ADAMTS18: variants seen among roughly 807,000 people sequenced by gnomAD.
ADAMTS18 encodes the protein A disintegrin and metalloproteinase with thrombospondin motifs 18.
In ADAMTS18, 157 loss-of-function variants were observed where a neutral mutation model predicts 165.9. The ratio of observed to expected loss-of-function variants is 0.95; its 90% CI spans 0.83 to 1.08. ADAMTS18 has a LOEUF of 1.08. ADAMTS18 is among the 50% of genes least tolerant of loss of function. The pLI, the probability that ADAMTS18 is intolerant of heterozygous loss-of-function variation, is 0.00. For synonymous variants in ADAMTS18, 782 were observed against 578.2 expected, an observed-to-expected ratio of 1.35 and a Z score of -5.06; for missense variants, 2,040 against 1,534.0, an observed-to-expected ratio of 1.33 and a Z score of -5.51.
intron 3 of ADAMTS18, among the ~76,000 whole-genome samples, chr16:77,399,979 G>C (rs1164190221): frequency 6.6e-6 from 1 of 152,048 alleles, no homozygotes; most frequent in Admixed American, 6.6e-5. Context: ...GCCAGGTATG[G>C]GCTCTTTAAA....
chr16:77,296,804 A>T (rs2055481853), intron 18 of ADAMTS18, among the ~76,000 whole-genome samples: 1 of 152,218 alleles, frequency 6.6e-6, no homozygotes, highest in East Asian at 1.9e-4. Context: ...TGGGCAACAG[A>T]GTGAGACTCC....
chr16:77,291,498 G>A lies in ADAMTS18; in HGVS notation c.3190-20C>T, dbSNP rs374456424. 8 of 1,611,428 alleles carry A rather than the reference G, an allele frequency of 5.0e-6. No individual in the cohort carries two copies. Among genetic ancestry groups the A allele is most frequent in the African/African-American group, 2.7e-5 (2 of 74,908 alleles). On this transcript the variant is annotated intron_variant, in intron 20 of 22. Transcript: ENST00000282849. Reference sequence around the variant, plus strand: ...AGAACACTAGGAGCCAAGACAGGATGTGTAAAAGTGAAGACTGCCAGGATC... The same window carrying A: ...AGAACACTAGGAGCCAAGACAGGATATGTAAAAGTGAAGACTGCCAGGATC...
At chr16:77,361,228 T>G (rs779967464) in intron 7 of ADAMTS18, among the ~76,000 whole-genome samples, 1 of 152,210 alleles carries the variant, frequency 6.6e-6, no homozygotes, top group Admixed American at 6.5e-5. Flanking sequence ...GCTTAACATA[T>G]TGACTGTCTG....
intron 3 of ADAMTS18, among the ~76,000 whole-genome samples, chr16:77,380,670 A>G (rs1350086119): frequency 6.6e-6 from 1 of 152,214 alleles, no homozygotes; most frequent in African/African-American, 2.4e-5. Context: ...ATGCTTCAGC[A>G]TTTATAAATT....
intron 3 of ADAMTS18, among the ~76,000 whole-genome samples, chr16:77,396,716 T>C (rs1035332207): frequency 1.3e-5 from 2 of 152,130 alleles, no homozygotes; most frequent in African/African-American, 4.8e-5. Flanking sequence ...ACCAGGTGAA[T>C]TCCAAAAACA....
intron 3 of ADAMTS18, among the ~76,000 whole-genome samples, chr16:77,429,702 G>C (rs2057715688): frequency 6.6e-6 from 1 of 152,106 alleles, no homozygotes; most frequent in African/African-American, 2.4e-5. Context: ...ATTAATTTGA[G>C]ACAATTGATA....
intron 16 of ADAMTS18, among the ~76,000 whole-genome samples, chr16:77,308,477 A>G (rs535332531): frequency 2.5e-5 from 3 of 121,326 alleles, no homozygotes; most frequent in Admixed American, 2.3e-4. Context: ...ATGGGGGAAA[A>G]GGAAGAGGAG....
At chr16:77,299,191 C>T (rs988772039) in intron 17 of ADAMTS18, among the ~76,000 whole-genome samples, 5 of 152,178 alleles carry the variant, frequency 3.3e-5, no homozygotes, top group East Asian at 1.9e-4. Flanking sequence ...ATGATACTCA[C>T]GGTATGTGAG....
intron 20 of ADAMTS18, among the ~76,000 whole-genome samples, chr16:77,292,454 A>T (rs937087146): frequency 2.6e-5 from 4 of 152,116 alleles, no homozygotes; most frequent in African/African-American, 9.7e-5. Context: ...GTCTGGGACA[A>T]CCTTGCCCCA....
chr16:77,418,692 G>A (rs944247083), intron 3 of ADAMTS18, among the ~76,000 whole-genome samples: 11 of 152,008 alleles, frequency 7.2e-5, no homozygotes, highest in Non-Finnish European at 8.8e-5. Context: ...CTTCTCTTTG[G>A]GCTTACTGTC....
chr16:77,288,452 C>A (rs1449553649), intron 22 of ADAMTS18, among the ~76,000 whole-genome samples: 1 of 151,738 alleles, frequency 6.6e-6, no homozygotes, highest in Admixed American at 6.6e-5. Flanking sequence ...GCAGATTAGG[C>A]TGAAAGATAT....
intron 16 of ADAMTS18, among the ~76,000 whole-genome samples, chr16:77,304,153 T>C (rs571024726): frequency 6.6e-6 from 1 of 152,280 alleles, no homozygotes; most frequent in Admixed American, 6.5e-5. Context: ...ATAACAAATC[T>C]CGGTGATGAT....
intron 3 of ADAMTS18, among the ~76,000 whole-genome samples, chr16:77,382,629 CAT>C (rs1181183602): frequency 3.9e-5 from 6 of 152,222 alleles, no homozygotes; most frequent in Non-Finnish European, 4.4e-5. Context: ...CCTTGTGCCT[CAT>C]AATCCTCTTT....
chr16:77,286,527 T>C (rs569865909), intron 22 of ADAMTS18, among the ~76,000 whole-genome samples: 1 of 152,332 alleles, frequency 6.6e-6, no homozygotes, highest in Admixed American at 6.5e-5. Context: ...GTAAGCATTA[T>C]TTCCCAGTTT....
intron 3 of ADAMTS18, among the ~76,000 whole-genome samples, chr16:77,417,971 A>G (rs1336687829): frequency 3.3e-5 from 5 of 152,214 alleles, no homozygotes; most frequent in Non-Finnish European, 7.3e-5. Context: ...AAAAGCCCAG[A>G]AACAGAATCC....
Position 77,322,394 on chromosome 16 carries a change from T to G in ADAMTS18, c.2105A>C (p.Lys702Thr). ...GTTTGGGGAGCAGGGAGTTCCATCT[T>G]TCACTTTGCCGGACATTGCAAAAAA... ...EFFFAMSGKV[K>T]DGTPCSPNKN... Residue 702 changes from lysine to threonine, a missense_variant, in exon 14 of 23, where the codon AAA (lysine) becomes ACA (threonine). Transcript: ENST00000282849. 6.2e-7 allele frequency: 1 copy of G among 1,614,022 alleles called. No homozygotes were observed. Among genetic ancestry groups the G allele is most frequent in the South Asian group, 1.1e-5 (1 of 91,082 alleles).
chr16:77,399,015 C>T (rs1294251190), intron 3 of ADAMTS18, among the ~76,000 whole-genome samples: 1 of 152,214 alleles, frequency 6.6e-6, no homozygotes, highest in African/African-American at 2.4e-5. Context: ...TGGCCATCAG[C>T]ATCCTGACCT....
At chr16:77,359,535 A>C (rs2056680759) in intron 7 of ADAMTS18, 112 bp from the exon 8 acceptor site, 2 of 779,740 alleles carry the variant, frequency 2.6e-6, no homozygotes, top group South Asian at 3.2e-5. Flanking sequence ...AGATCAATGC[A>C]TTCAGTGTTT....
chr16:77,294,670 A>G (rs1296269360), intron 19 of ADAMTS18, among the ~76,000 whole-genome samples: 2 of 152,182 alleles, frequency 1.3e-5, no homozygotes, highest in Admixed American at 6.5e-5. Context: ...AGCTGTGCTC[A>G]CGAGTCTGGC....
Sources: allele counts gnomAD v4.1 joint callset (sites outside exome capture counted in the v4.1 genomes callset), GRCh38; gene constraint gnomAD v4.1.1; transcripts MANE v1.5; gene names NCBI Gene and HGNC (gene_info 2026-07-23, HGNC 2026-07-21).